The following MARCHF11 variants were observed in gnomAD, a reference collection of about 807,000 sequenced individuals.
MARCHF11 encodes membrane associated ring-CH-type finger 11.
In MARCHF11, 29 loss-of-function variants were observed where a neutral mutation model predicts 37.3. That is an observed-to-expected ratio of 0.78 (90% CI 0.58 to 1.06). The LOEUF is 1.06. MARCHF11 is among the 50% of genes least tolerant of loss of function. The probability of loss-of-function intolerance (pLI) is 0.00; values close to 1 mark genes in which losing one functional copy is unlikely to be tolerated. For synonymous variants in MARCHF11, 233 were observed against 228.0 expected (o/e 1.02, Z -0.20); for missense variants, 482 against 533.4 (o/e 0.90, Z 0.95).
intron 2 of MARCHF11, among the ~76,000 whole-genome samples, chr5:16,145,474 T>C (rs1047330752): frequency 6.6e-6 from 1 of 152,290 alleles, no homozygotes; most frequent in East Asian, 1.9e-4. Flanking sequence ...GCCTTGATAT[T>C]GGACTTCCCA....
Position 16,179,221 on chromosome 5 carries a change from G to A in MARCHF11, c.355C>T (p.Pro119Ser), listed in dbSNP as rs1001933429. The A allele has an allele frequency of 1.7e-4, 227 of 1,350,998 alleles. 1 individual carries two copies. In the African/African-American group the frequency reaches 2.9e-3, roughly 17 times the overall value. 83.7% of individuals were successfully genotyped at this position (1,350,998 alleles called of 1,614,324 possible). A position where few individuals can be genotyped will look rare whatever the true frequency, so the allele number is the denominator to read the frequency against. ...CCCGCGCCGGCCTCAGACTCCCCGG[G>A]GCCGCCTTTCGCTGCTGCCGCCTCC... ...LPEAAAAKGG[P>S]GESEAGAGGE... Residue 119 changes from proline (P) to serine (S), a missense_variant, in exon 1 of 4, where the codon CCC becomes TCC. Pro to Ser is a moderately conservative substitution (Grantham distance 74, BLOSUM62 -1). Coordinates refer to ENST00000332432, the MANE Select transcript of MARCHF11 (RefSeq NM_001102562.3).
At chr5:16,178,925 G>T in intron 1 of MARCHF11, 114 bp downstream of exon 1, 1 of 1,243,362 alleles carries the variant, frequency 8.0e-7, no homozygotes, top group Non-Finnish European at 1.0e-6. Context: ...AGAACCAGAC[G>T]AGCCTCACTG....
intron 2 of MARCHF11, among the ~76,000 whole-genome samples, chr5:16,173,014 G>T (rs1023089943): frequency 7.2e-5 from 11 of 152,188 alleles, no homozygotes; most frequent in African/African-American, 2.4e-4. Context: ...GCTATAAGAA[G>T]ATCTGCTGCT....
chr5:16,174,794 C>T (rs342545), intron 2 of MARCHF11, among the ~76,000 whole-genome samples: 98,109 of 152,012 alleles, frequency 0.65, 33,190 homozygotes, highest in East Asian at 0.9. Context: ...GAAGGCATGG[C>T]CATTTTGGAA....
At chr5:16,070,007 T>C (rs1736406436) in intron 3 of MARCHF11, among the ~76,000 whole-genome samples, 1 of 152,156 alleles carries the variant, frequency 6.6e-6, no homozygotes, top group East Asian at 1.9e-4. Context: ...CAAGCAAACA[T>C]ATCTTAAGCC....
chr5:16,169,819 C>A (rs1288218653), intron 2 of MARCHF11, among the ~76,000 whole-genome samples: 3 of 152,112 alleles, frequency 2.0e-5, no homozygotes, highest in Non-Finnish European at 4.4e-5. Context: ...AGTCCATTCC[C>A]TGCTATTCTG....
At chr5:16,171,963 T>C (rs192646570) in intron 2 of MARCHF11, among the ~76,000 whole-genome samples, 1 of 152,294 alleles carries the variant, frequency 6.6e-6, no homozygotes, top group Admixed American at 6.5e-5. Flanking sequence ...CTGGAAAATG[T>C]AGAAAAGTCG....
chr5:16,178,898 G>C, intron 1 of MARCHF11, 141 bp downstream of exon 1: 1 of 1,040,734 alleles, frequency 9.6e-7, no homozygotes, highest in Non-Finnish European at 1.3e-6. Context: ...GCATATTGGA[G>C]CCAGCGCTCA....
Position 16,067,386 on chromosome 5 carries a change from T to A in MARCHF11, c.*85A>T. The A allele has an allele frequency of 8.0e-7, 1 of 1,249,766 alleles. No homozygotes were observed. Among genetic ancestry groups the A allele is most frequent in the South Asian group, 1.5e-5 (1 of 67,308 alleles). The allele number at this position is 1,249,766 out of a possible 1,614,324, so 77.4% of individuals were successfully genotyped here. On this transcript the variant is annotated 3_prime_UTR_variant, in exon 4 of 4. Coordinates refer to ENST00000332432, the MANE Select transcript of MARCHF11 (RefSeq NM_001102562.3). ...TTTTAAAAAGTTCATAGATGTGTTTTTAGAAGTGCTATGGTTTTGCCATTC... is the reference window on the plus strand; with the variant it reads ...TTTTAAAAAGTTCATAGATGTGTTTATAGAAGTGCTATGGTTTTGCCATTC...
chr5:16,171,341 T>C (rs1006186945), intron 2 of MARCHF11, among the ~76,000 whole-genome samples: 2 of 146,782 alleles, frequency 1.4e-5, no homozygotes, highest in African/African-American at 2.5e-5. Context: ...CAAAGAAACA[T>C]AGAAATTTAG....
At chr5:16,172,846 G>A (rs1204436929) in intron 2 of MARCHF11, among the ~76,000 whole-genome samples, 2 of 152,178 alleles carry the variant, frequency 1.3e-5, no homozygotes, top group Non-Finnish European at 2.9e-5. Flanking sequence ...AGGTCTGGAA[G>A]CTGTACCTAA....
chr5:16,138,904 C>T (rs1275179631), intron 2 of MARCHF11, among the ~76,000 whole-genome samples: 1 of 152,158 alleles, frequency 6.6e-6, no homozygotes, highest in African/African-American at 2.4e-5. Flanking sequence ...TTGCCCAATG[C>T]CTGTAGCCCC....
At chr5:16,105,380 C>T (rs1019413405) in intron 2 of MARCHF11, among the ~76,000 whole-genome samples, 19 of 152,126 alleles carry the variant, frequency 1.2e-4, no homozygotes, top group African/African-American at 3.4e-4. Flanking sequence ...CAAACAAATG[C>T]GTTTCTATGA....
intron 2 of MARCHF11, among the ~76,000 whole-genome samples, chr5:16,104,651 G>C (rs1300752065): frequency 6.6e-6 from 1 of 151,094 alleles, no homozygotes; most frequent in African/African-American, 2.4e-5. Flanking sequence ...ACCCAACAGA[G>C]AGGGAACCCC....
chr5:16,116,801 T>C (rs6877136), intron 2 of MARCHF11, among the ~76,000 whole-genome samples: 3,319 of 152,146 alleles, frequency 0.022, 132 homozygotes, highest in African/African-American at 0.076. Flanking sequence ...TTGGGGAAAA[T>C]GCATGAACAG....
At chr5:16,107,075 C>A (rs1004895669) in intron 2 of MARCHF11, among the ~76,000 whole-genome samples, 8 of 152,228 alleles carry the variant, frequency 5.3e-5, no homozygotes, top group Admixed American at 3.9e-4. Context: ...TGCACCTGTA[C>A]TACCTGTACT....
chr5:16,137,859 T>C (rs1737633122), intron 2 of MARCHF11, among the ~76,000 whole-genome samples: 1 of 152,140 alleles, frequency 6.6e-6, no homozygotes, highest in Admixed American at 6.5e-5. Flanking sequence ...AGAGATGATT[T>C]AGGGTATCTG....
chr5:16,128,580 C>T (rs1294062017), intron 2 of MARCHF11, among the ~76,000 whole-genome samples: 2 of 152,166 alleles, frequency 1.3e-5, no homozygotes, highest in African/African-American at 2.4e-5. Flanking sequence ...TAGAATTTAA[C>T]GTTCTTCATT....
intron 2 of MARCHF11, among the ~76,000 whole-genome samples, chr5:16,147,842 C>T (rs1382408242): frequency 6.6e-6 from 1 of 152,156 alleles, no homozygotes; most frequent in Non-Finnish European, 1.5e-5. Context: ...TTCTTCAAGA[C>T]AGAAAACATA....
Sources: allele counts gnomAD v4.1 joint callset (sites outside exome capture counted in the v4.1 genomes callset), GRCh38; gene constraint gnomAD v4.1.1; transcripts MANE v1.5; gene names NCBI Gene and HGNC (gene_info 2026-07-23, HGNC 2026-07-21).